PARD3B: variants seen among roughly 807,000 people sequenced by gnomAD.
PARD3B encodes partitioning defective 3 homolog B.
In PARD3B, 103 loss-of-function variants were observed where a neutral mutation model predicts 130.2. The ratio of observed to expected loss-of-function variants is 0.79; its 90% CI spans 0.67 to 0.93. The LOEUF is 0.93. Ranked by LOEUF, PARD3B falls within the 40% of genes least tolerant of loss-of-function variation. PARD3B has a pLI of 0.00. For synonymous variants in PARD3B, 583 were observed against 553.2 expected (o/e 1.05, Z -0.76); for missense variants, 1,609 against 1,499.2 (o/e 1.07, Z -1.21).
intron 2 of PARD3B, among the ~76,000 whole-genome samples, chr2:204,938,607 AG>A (rs1242535727): frequency 6.6e-6 from 1 of 152,206 alleles, no homozygotes; most frequent in African/African-American, 2.4e-5. Context: ...CTTATTCACT[AG>A]ACTAGGGCTT....
At position 205,523,720 on chromosome 2, in the gene PARD3B, T is replaced by TATC. The variant is rs537321165; in HGVS notation, c.3180+23690_3180+23692dup. On this transcript the variant is annotated intron_variant, in intron 21 of 22. Transcript: ENST00000406610. The stretch of plus-strand genomic sequence containing the variant: ...ATTTTTAATGTGACATAGATCCTAC[T>TATC]ATCTAGGGATTATATGCAGTGTTTA... Among the ~76,000 whole-genome samples, 13 of 152,068 alleles carry TATC rather than the reference T, an allele frequency of 8.5e-5. No homozygotes were observed. In the East Asian group the frequency reaches 2.5e-3, roughly 30 times the overall value.
chr2:204,843,676 A>G (rs950972271), intron 2 of PARD3B, among the ~76,000 whole-genome samples: 51 of 152,276 alleles, frequency 3.3e-4, no homozygotes, highest in African/African-American at 1.2e-3. Context: ...CGCCCAGTCC[A>G]GAACTCAGTT....
intron 11 of PARD3B, among the ~76,000 whole-genome samples, chr2:205,163,641 A>G (rs1428447702): frequency 6.6e-6 from 1 of 152,206 alleles, no homozygotes; most frequent in Non-Finnish European, 1.5e-5. Context: ...AATATCCAGA[A>G]ACATGGCGCT....
chr2:205,173,940 T>C (rs571791925), intron 12 of PARD3B, among the ~76,000 whole-genome samples: 2 of 152,312 alleles, frequency 1.3e-5, no homozygotes, highest in East Asian at 3.9e-4. Flanking sequence ...TCTGTGCATC[T>C]GCATATCAGA....
intron 21 of PARD3B, among the ~76,000 whole-genome samples, chr2:205,521,898 T>C (rs553205579): frequency 6.6e-6 from 1 of 152,086 alleles, no homozygotes; most frequent in Non-Finnish European, 1.5e-5. Context: ...AGATTTTAAA[T>C]AACTCATCCA....
chr2:205,217,870 A>G (rs7588057), intron 15 of PARD3B, among the ~76,000 whole-genome samples: 2,711 of 45,128 alleles, frequency 0.06, 29 homozygotes, highest in African/African-American at 0.083. Flanking sequence ...GTGTGTGTGT[A>G]TATATATATA....
Position 205,615,488 on chromosome 2 carries a change from C to T in PARD3B, c.3293C>T (p.Pro1098Leu). The T allele has an allele frequency of 6.2e-7, 1 of 1,611,198 alleles. No homozygotes were observed. Among genetic ancestry groups the T allele is most frequent in the Non-Finnish European group, 8.5e-7 (1 of 1,178,430 alleles). Reference sequence around the variant, plus strand: ...CCCGCAGATCCTGTAGACTATCTGCCAGCAGCACCTCGGGGGCTCTACAAG... The same window carrying T: ...CCCGCAGATCCTGTAGACTATCTGCTAGCAGCACCTCGGGGGCTCTACAAG... ...GGPADPVDYL[P>L]AAPRGLYKER... Residue 1098 changes from proline to leucine, a missense_variant, in exon 23 of 23, where the codon CCA becomes CTA. Coordinates refer to ENST00000406610, the MANE Select transcript of PARD3B (RefSeq NM_001302769.2).
At chr2:204,711,868 T>C (rs905834735) in intron 2 of PARD3B, among the ~76,000 whole-genome samples, 1 of 152,106 alleles carries the variant, frequency 6.6e-6, no homozygotes, top group Non-Finnish European at 1.5e-5. Context: ...ACCTCCATTT[T>C]ACAAGTGGGA....
chr2:205,446,758 C>T lies in PARD3B; in HGVS notation c.3044+6086C>T, dbSNP rs376669074. Among the ~76,000 whole-genome samples the T allele has an allele frequency of 6.7e-4, 102 of 152,274 alleles. No homozygotes were observed. The highest frequency in any genetic ancestry group is 2.3e-3 in the African/African-American group (97 of 41,548). ...AATGCTGGTTCTTCCAGGATTTGAA[C>T]GTAGCATGGGTTAAATCCTGCCCTC... On this transcript the variant is annotated intron_variant, in intron 20 of 22. Coordinates refer to ENST00000406610, the MANE Select transcript of PARD3B (RefSeq NM_001302769.2). This position sits in a 1 kb window ranked among gnomAD's most constrained non-coding sequence, Gnocchi z 4.4.
At chr2:205,608,507 C>T (rs895176294) in intron 22 of PARD3B, among the ~76,000 whole-genome samples, 21 of 152,180 alleles carry the variant, frequency 1.4e-4, no homozygotes, top group African/African-American at 4.8e-4. Context: ...GATTGCATGA[C>T]TGTTTTTTGT....
chr2:204,991,413 T>A (rs922278557), intron 3 of PARD3B, among the ~76,000 whole-genome samples: 19 of 143,668 alleles, frequency 1.3e-4, no homozygotes, highest in African/African-American at 5.0e-4. Context: ...AACTCATCAT[T>A]TTTTATGGCT....
In PARD3B at chr2:205,121,970, A is replaced by G. The variant is rs201422508; in HGVS notation, c.1165+21A>G. 2,493 of 1,554,506 alleles carry G rather than the reference A, an allele frequency of 1.6e-3. 7 individuals carry two copies. Among genetic ancestry groups the G allele is most frequent in the South Asian group, 3.2e-3 (280 of 87,292 alleles). ...GAAAGGTAATTATTAAATTATGCCTAATAGCATTCTATTATTGTAACATGT... is the reference window on the plus strand; with the variant it reads ...GAAAGGTAATTATTAAATTATGCCTGATAGCATTCTATTATTGTAACATGT... On this transcript the variant is annotated intron_variant, in intron 8 of 22. Coordinates refer to ENST00000406610, the MANE Select transcript of PARD3B (RefSeq NM_001302769.2). The surrounding 1 kb of genome is among the most constrained non-coding windows in gnomAD (Gnocchi z 5.0).
intron 19 of PARD3B, among the ~76,000 whole-genome samples, chr2:205,410,941 A>G (rs2046575613): frequency 6.6e-6 from 1 of 152,120 alleles, no homozygotes; most frequent in Non-Finnish European, 1.5e-5. Flanking sequence ...TAGAAATACT[A>G]ACCTAGGCCT....
At chr2:204,923,827 C>T (rs2047774940) in intron 2 of PARD3B, among the ~76,000 whole-genome samples, 1 of 151,988 alleles carries the variant, frequency 6.6e-6, no homozygotes, top group Non-Finnish European at 1.5e-5. Context: ...AATTTTTATA[C>T]ACAGAGGTGA....
At chr2:204,936,303 G>C (rs1688451086) in intron 2 of PARD3B, among the ~76,000 whole-genome samples, 1 of 152,228 alleles carries the variant, frequency 6.6e-6, no homozygotes, top group Non-Finnish European at 1.5e-5. Flanking sequence ...ATTTGAGTAA[G>C]AAGGATTCTT....
intron 18 of PARD3B, among the ~76,000 whole-genome samples, chr2:205,382,118 C>T (rs767198192): frequency 1.3e-5 from 2 of 151,970 alleles, no homozygotes; most frequent in African/African-American, 2.4e-5. Context: ...ATTTGAATTT[C>T]ACCAGTTTTT....
At chr2:204,881,181 TC>T (rs1248513037) in intron 2 of PARD3B, among the ~76,000 whole-genome samples, 4 of 152,232 alleles carry the variant, frequency 2.6e-5, no homozygotes, top group Non-Finnish European at 5.9e-5. Context: ...CTCAGTTTTT[TC>T]TTTTGTTTTC....
At chr2:205,057,589 GTA>G (rs1190894705) in intron 4 of PARD3B, among the ~76,000 whole-genome samples, 2 of 119,176 alleles carry the variant, frequency 1.7e-5, no homozygotes, top group Non-Finnish European at 3.6e-5. Context: ...ATGTGTATAC[GTA>G]TATATACATA....
rs189791118 is a variant in PARD3B at position 204,574,736 on chromosome 2, A to C, written c.120+28617A>C. On this transcript the variant is annotated intron_variant, in intron 1 of 22. Transcript: ENST00000406610. ...GAACTGCTTATATGGTGCTGGACAC[A>C]CACTAACAATCTAAGTGTGTCTTCT... 1.4e-3 allele frequency among the ~76,000 whole-genome samples: 215 copies of C among 152,322 alleles called. 2 individuals carry two copies. Among genetic ancestry groups the C allele is most frequent in the Middle Eastern group, 0.01 (3 of 294 alleles).
Sources: gnomAD v4.1 joint callset for allele counts (sites outside exome capture counted in the v4.1 genomes callset) on GRCh38, gnomAD v4.1.1 for gene constraint, Gnocchi (gnomAD v3.1) non-coding constraint, MANE v1.5 for transcripts, NCBI Gene and HGNC (gene_info 2026-07-23, HGNC 2026-07-21) for gene names.